CRB1: variants seen among roughly 807,000 people sequenced by gnomAD.
CRB1 encodes crumbs cell polarity complex component 1.
A neutral mutation model predicts 120.0 loss-of-function variants in CRB1; 83 were observed. That is an observed-to-expected ratio of 0.69 (90% CI 0.58 to 0.83). The LOEUF (loss-of-function observed/expected upper bound fraction) is 0.83, where lower values mean the gene tolerates loss of function less well. Ranked by LOEUF, CRB1 falls within the 40% of genes least tolerant of loss-of-function variation. CRB1 has a pLI of 0.00. For missense variants in CRB1, 1,699 were observed against 1,687.6 expected, an observed-to-expected ratio of 1.01 and a Z score of -0.12; for synonymous variants, 625 against 612.5, an observed-to-expected ratio of 1.02 and a Z score of -0.30.
the CRB1 span, among the ~76,000 whole-genome samples, chr1:197,211,650 AG>A: frequency 6.6e-6 from 1 of 152,180 alleles, no homozygotes; most frequent in Non-Finnish European, 1.5e-5. Flanking sequence ...GCCACCACAA[AG>A]GGGATTAGGT....
At chr1:197,405,557 C>A (rs1438647366) in intron 5 of CRB1, among the ~76,000 whole-genome samples, 9 of 151,486 alleles carry the variant, frequency 5.9e-5, no homozygotes, top group Non-Finnish European at 2.9e-5. Context: ...ACGTGAGGAA[C>A]CCCTCTGCCT....
At chr1:197,369,382 A>G (rs1334855394) in intron 5 of CRB1, among the ~76,000 whole-genome samples, 1 of 152,014 alleles carries the variant, frequency 6.6e-6, no homozygotes, top group Non-Finnish European at 1.5e-5. Context: ...TGACACGCAC[A>G]TTCACCTAGA....
intron 5 of CRB1, among the ~76,000 whole-genome samples, chr1:197,398,532 A>C (rs1032335624): frequency 1.3e-5 from 2 of 152,188 alleles, no homozygotes; most frequent in Non-Finnish European, 2.9e-5. Context: ...AGAGATGTAG[A>C]AGAAAGAATC....
At chr1:197,362,288 A>C (rs1329042159) in intron 5 of CRB1, among the ~76,000 whole-genome samples, 1 of 152,076 alleles carries the variant, frequency 6.6e-6, no homozygotes, top group East Asian at 1.9e-4. Context: ...ATCTTGGTAA[A>C]TGTTCCATGG....
the CRB1 span, among the ~76,000 whole-genome samples, chr1:197,256,441 A>G: frequency 3.7e-4 from 56 of 152,170 alleles, no homozygotes; most frequent in Non-Finnish European, 6.9e-4. Flanking sequence ...CAATTTATAT[A>G]TGTAACTCAG....
intron 5 of CRB1, among the ~76,000 whole-genome samples, chr1:197,391,584 A>G (rs1183278103): frequency 6.6e-6 from 1 of 152,138 alleles, no homozygotes; most frequent in East Asian, 1.9e-4. Flanking sequence ...AGCACCATAT[A>G]TAACACCACA....
rs1262250136 is a variant in CRB1, at chr1:197,477,797, G to T, written c.4139G>T (p.Ser1380Ile). Residue 1380 changes from serine (S) to isoleucine (I), a missense_variant, in exon 12 of 12, where the codon AGC becomes ATC. Coordinates refer to ENST00000367400, the MANE Select transcript of CRB1 (RefSeq NM_201253.3). ...AAAAGGGCAACTCAGGGAACCTACA[G>T]CCCCAGCCGTCAGGAGAAGGAGGGC... ...SNKRATQGTY[S>I]PSRQEKEGSR... The T allele has an allele frequency of 6.2e-7, 1 of 1,613,864 alleles. No individual in the cohort carries two copies. Among genetic ancestry groups the T allele is most frequent in the African/African-American group, 1.3e-5 (1 of 75,004 alleles).
intron 7 of CRB1, 63 bp from the exon 8 acceptor site, chr1:197,429,386 C>A: frequency 6.4e-7 from 1 of 1,569,732 alleles, no homozygotes; most frequent in Non-Finnish European, 8.8e-7. Flanking sequence ...TGTGGTTTCA[C>A]CGTCAACATT....
At chr1:197,207,994 C>T in the CRB1 span, among the ~76,000 whole-genome samples, 1 of 151,918 alleles carries the variant, frequency 6.6e-6, no homozygotes, top group South Asian at 2.1e-4. Context: ...CTTTCTTCTA[C>T]CTGTTCAATT....
chr1:197,287,110 T>C (rs924783239), intron 1 of CRB1, among the ~76,000 whole-genome samples: 1 of 151,766 alleles, frequency 6.6e-6, no homozygotes, highest in Admixed American at 6.6e-5. Context: ...GTAAAATGAG[T>C]ACGTGGAATA....
chr1:197,406,167 G>T (rs950580068), intron 5 of CRB1, among the ~76,000 whole-genome samples: 6 of 152,222 alleles, frequency 3.9e-5, no homozygotes, highest in African/African-American at 1.4e-4. Context: ...TGAGAAATCG[G>T]ATGGTTGCCT....
chr1:197,469,457 A>T (rs1666888139), intron 11 of CRB1, among the ~76,000 whole-genome samples: 1 of 152,096 alleles, frequency 6.6e-6, no homozygotes, highest in Admixed American at 6.6e-5. Flanking sequence ...AGAAATTAGA[A>T]CAGAATTGTA....
intron 1 of CRB1, among the ~76,000 whole-genome samples, chr1:197,274,545 G>T (rs145552949): frequency 2.2e-4 from 33 of 152,234 alleles, no homozygotes; most frequent in Non-Finnish European, 3.8e-4. Context: ...CACCATTAAA[G>T]TATTATGCAG....
At chr1:197,363,283 A>G (rs966358576) in intron 5 of CRB1, among the ~76,000 whole-genome samples, 35 of 151,756 alleles carry the variant, frequency 2.3e-4, no homozygotes, top group African/African-American at 2.2e-4. Flanking sequence ...TCTATTCTCC[A>G]TTGTTTGTCC....
chr1:197,359,377 T>G (rs1375977580), intron 5 of CRB1, among the ~76,000 whole-genome samples: 1 of 152,104 alleles, frequency 6.6e-6, no homozygotes, highest in African/African-American at 2.4e-5. Flanking sequence ...TCAGCATCAT[T>G]CTTTGGAGAT....
In CRB1 at chr1:197,428,013, T is replaced by G; in HGVS notation, c.2676+12T>G. 1 of 1,610,342 alleles carries G rather than the reference T, an allele frequency of 6.2e-7. No homozygotes were observed. Among genetic ancestry groups the G allele is most frequent in the Admixed American group, 1.7e-5 (1 of 59,988 alleles). ...ACAACAGCTGCAAGGTAATGATTACTCATACAAACTAGGTATATACTGTAT... is the reference window on the plus strand; with the variant it reads ...ACAACAGCTGCAAGGTAATGATTACGCATACAAACTAGGTATATACTGTAT... On this transcript the variant is annotated intron_variant, in intron 7 of 11. Transcript: ENST00000367400.
chr1:197,388,422 T>C (rs1293978623), intron 5 of CRB1, among the ~76,000 whole-genome samples: 1 of 151,998 alleles, frequency 6.6e-6, no homozygotes, highest in East Asian at 1.9e-4. Flanking sequence ...AAAGCCTGAG[T>C]TTTTAAGAAT....
chr1:197,285,679 A>G (rs547163225), intron 1 of CRB1, among the ~76,000 whole-genome samples: 1 of 152,008 alleles, frequency 6.6e-6, no homozygotes, highest in East Asian at 2.0e-4. Flanking sequence ...GTGGTGACTG[A>G]CAGCAAAGTG....
chr1:197,426,370 C>T (rs1209510591), intron 6 of CRB1, among the ~76,000 whole-genome samples: 1 of 151,890 alleles, frequency 6.6e-6, no homozygotes, highest in Non-Finnish European at 1.5e-5. Flanking sequence ...ATTACAATTC[C>T]ACCCCTCCAA....
Sources: gnomAD v4.1 joint callset for allele counts (sites outside exome capture counted in the v4.1 genomes callset) on GRCh38, gnomAD v4.1.1 for gene constraint, MANE v1.5 for transcripts, NCBI Gene and HGNC (gene_info 2026-07-23, HGNC 2026-07-21) for gene names.